MAP4K1: variants seen among roughly 807,000 people sequenced by gnomAD.
MAP4K1 encodes mitogen-activated protein kinase kinase kinase kinase 1, also known as MAPK/ERK kinase kinase kinase 1.
Under a neutral mutation model 122.8 loss-of-function variants are expected in MAP4K1, and 35 were observed. The ratio of observed to expected loss-of-function variants is 0.29; its 90% CI spans 0.22 to 0.38. The LOEUF (loss-of-function observed/expected upper bound fraction) is 0.38, where lower values mean the gene tolerates loss of function less well. MAP4K1 is among the 10% of genes least tolerant of loss of function. The pLI is 1.00. For missense variants in MAP4K1, 791 were observed against 1,072.6 expected (o/e 0.74, Z 3.67); for synonymous variants, 412 against 421.3 (o/e 0.98, Z 0.27).
Position 38,600,117 on chromosome 19 carries a change from A to C in MAP4K1, c.1568T>G (p.Phe523Cys). 6.2e-7 allele frequency: 1 copy of C among 1,614,112 alleles called. No individual in the cohort carries two copies. The highest frequency in any genetic ancestry group is 1.7e-5 in the Admixed American group (1 of 60,000). Residue 523 changes from phenylalanine to cysteine, a missense_variant, in exon 21 of 31, where the codon TTC becomes TGC. By Grantham distance (205) the Phe-to-Cys change is radical. This residue lies in a region of MAP4K1 where 58 missense variants were observed against 118.7 expected (regional missense o/e 0.49). Transcript: ENST00000396857. ...HLLLGAEEGI[F>C]ILNRNDQEAT... is the part of the protein sequence containing the mutation. ...CTCCTGGTCATTCCGGTTCAGGATG[A>C]AGATGCCTTCCTCTGCCCCCAGGAG...
At chr19:38,608,298 T>C in intron 13 of MAP4K1, 128 bp from the exon 14 acceptor site, 1 of 505,372 alleles carries the variant, frequency 2.0e-6, no homozygotes, top group Non-Finnish European at 3.5e-6. Context: ...GCAAATGATC[T>C]CAGGGAACTG....
chr19:38,606,958 T>G (rs909502338), intron 16 of MAP4K1, among the ~76,000 whole-genome samples: 35 of 152,008 alleles, frequency 2.3e-4, no homozygotes, highest in Non-Finnish European at 5.9e-5. Context: ...GACTGTTGGG[T>G]CTGGATCTGG....
intron 16 of MAP4K1, among the ~76,000 whole-genome samples, 199 bp downstream of exon 16, chr19:38,607,665 G>T (rs1331485494): frequency 6.6e-6 from 1 of 152,018 alleles, no homozygotes; most frequent in Non-Finnish European, 1.5e-5. Flanking sequence ...AGGGTTAAGG[G>T]AGGTGGGGTT....
chr19:38,616,586 G>C lies in MAP4K1; in HGVS notation c.249-327C>G, dbSNP rs148214865. Among the ~76,000 whole-genome samples, 559 of 152,248 alleles carry C rather than the reference G, an allele frequency of 3.7e-3. 3 individuals are homozygous for C. The highest frequency in any genetic ancestry group is 0.012 in the African/African-American group (513 of 41,530). On this transcript the variant is annotated intron_variant, in intron 3 of 30. Transcript: ENST00000396857. ...TTGTGGAGATTTGGAGGGGACAGAG[G>C]GGCCCAGGGCACCTGTTCTGGGGAG...
intron 17 of MAP4K1, among the ~76,000 whole-genome samples, 159 bp from the exon 18 acceptor site, chr19:38,605,889 T>C (rs143542101): frequency 0.022 from 3,164 of 141,066 alleles, 96 homozygotes; most frequent in African/African-American, 0.078. Flanking sequence ...TCCCCTGACA[T>C]CCCCAGCCTG....
intron 17 of MAP4K1, 48 bp downstream of exon 17, chr19:38,606,125 C>G: frequency 1.3e-6 from 2 of 1,487,040 alleles, no homozygotes; most frequent in Non-Finnish European, 9.2e-7. Flanking sequence ...CTCCTGGCCC[C>G]CAGTGGCCCT....
intron 30 of MAP4K1, among the ~76,000 whole-genome samples, chr19:38,590,083 T>C (rs959006722): frequency 6.6e-6 from 1 of 151,752 alleles, no homozygotes; most frequent in African/African-American, 2.4e-5. Flanking sequence ...GAGAACTGGC[T>C]GATTCTACCT....
At position 38,593,268 on chromosome 19, in the gene MAP4K1, AC is replaced by A; in HGVS notation, c.2396+13del. 6.2e-7 allele frequency: 1 copy of A among 1,609,994 alleles called. No homozygotes were observed. Among genetic ancestry groups the A allele is most frequent in the Non-Finnish European group, 8.5e-7 (1 of 1,178,088 alleles). Reference sequence around the variant, plus strand: ...CCCCTCCCAGGTCCTTCTGCACCCCACCCCACAACATACCTGGGGGAGCCAA... The same window carrying A: ...CCCCTCCCAGGTCCTTCTGCACCCCACCCACAACATACCTGGGGGAGCCAA... On this transcript the variant is annotated intron_variant, in intron 30 of 30. Transcript: ENST00000396857.
chr19:38,591,264 C>G (rs1238754806), intron 30 of MAP4K1, among the ~76,000 whole-genome samples: 1 of 151,944 alleles, frequency 6.6e-6, no homozygotes, highest in Non-Finnish European at 1.5e-5. Flanking sequence ...TACAGTGGCT[C>G]ACGCCTGTAA....
At chr19:38,609,439 C>T (rs942812827) in intron 13 of MAP4K1, among the ~76,000 whole-genome samples, 157 bp downstream of exon 13, 12 of 152,074 alleles carry the variant, frequency 7.9e-5, no homozygotes, top group Admixed American at 2.6e-4. Context: ...CTGGCCTCTA[C>T]GGTCATTTTG....
intron 16 of MAP4K1, 129 bp from the exon 17 acceptor site, chr19:38,606,344 T>C: frequency 1.7e-6 from 1 of 582,134 alleles, no homozygotes; most frequent in South Asian, 2.2e-5. Context: ...TGACTGGTTC[T>C]GCCTGGAGCA....
intron 11 of MAP4K1, 79 bp from the exon 12 acceptor site, chr19:38,610,104 C>T: frequency 9.8e-7 from 1 of 1,016,238 alleles, no homozygotes; most frequent in African/African-American, 1.6e-5. Context: ...AGGACTGGTA[C>T]AGGGCCTTGG....
At position 38,601,510 on chromosome 19, in the gene MAP4K1, C is replaced by T. The variant is rs781682486; in HGVS notation, c.1462G>A (p.Val488Ile). Reference sequence around the variant, plus strand: ...AGGGGGCAGCCATTGAACAACTTTACGAGAAGGGCACATCCCTGGGCAGGT... The same window carrying T: ...AGGGGGCAGCCATTGAACAACTTTATGAGAAGGGCACATCCCTGGGCAGGT... ...KMKRKGCALL[V>I]KLFNGCPLRI... The change falls in exon 20 of 31, where the codon GTA (valine) becomes ATA (isoleucine). Residue 488 changes from valine (V) to isoleucine (I), a missense_variant. Coordinates refer to ENST00000396857, the MANE Select transcript of MAP4K1 (RefSeq NM_001042600.3). 9 of 1,607,930 alleles carry T rather than the reference C, an allele frequency of 5.6e-6. No homozygotes were observed. The highest frequency in any genetic ancestry group is 7.6e-6 in the Non-Finnish European group (9 of 1,177,596).
intron 30 of MAP4K1, 137 bp from the exon 31 acceptor site, chr19:38,587,954 C>A: frequency 2.9e-6 from 2 of 686,158 alleles, no homozygotes; most frequent in East Asian, 2.7e-5. Flanking sequence ...CGGTCCCTGC[C>A]CTTAGGAAGC....
At chr19:38,599,003 A>G (rs1190831053) in intron 22 of MAP4K1, among the ~76,000 whole-genome samples, 1 of 115,860 alleles carries the variant, frequency 8.6e-6, no homozygotes, top group East Asian at 3.0e-4. Context: ...ACAGAGTGAG[A>G]GTCTATCTCA....
intron 19 of MAP4K1, among the ~76,000 whole-genome samples, chr19:38,603,163 CATAT>C (rs1221162703): frequency 6.7e-6 from 1 of 148,688 alleles, no homozygotes; most frequent in Non-Finnish European, 1.5e-5. Flanking sequence ...TACATGTATA[CATAT>C]ATACACATGT....
rs144296421 is a variant in MAP4K1, at chr19:38,592,917, CAATA to C, written c.2396+361_2396+364del. 9.0e-3 allele frequency among the ~76,000 whole-genome samples: 1,362 copies of C among 151,250 alleles called. 30 individuals are homozygous for C. The highest frequency in any genetic ancestry group is 0.058 in the East Asian group (297 of 5,148). ...GGGCAACAAAAGCAAAACTCCATCT[CAATA>C]AATAAATAAATAAATAAATAAATAA... On this transcript the variant is annotated intron_variant, in intron 30 of 30. Coordinates refer to ENST00000396857, the MANE Select transcript of MAP4K1 (RefSeq NM_001042600.3).
chr19:38,613,801 A>G, intron 8 of MAP4K1, 79 bp downstream of exon 8: 1 of 1,141,632 alleles, frequency 8.8e-7, no homozygotes, highest in Non-Finnish European at 1.3e-6. Flanking sequence ...GGAGCCAGGA[A>G]AGAGGATCCC....
intron 8 of MAP4K1, 69 bp downstream of exon 8, chr19:38,613,811 C>T (rs935761577): frequency 2.4e-5 from 30 of 1,266,234 alleles, no homozygotes; most frequent in Non-Finnish European, 2.8e-5. Context: ...AAGAGGATCC[C>T]GGGGAACCAG....
Sources: allele counts gnomAD v4.1 joint callset (sites outside exome capture counted in the v4.1 genomes callset), GRCh38; gene constraint gnomAD v4.1.1; regional missense constraint gnomAD v4.1.1; transcripts MANE v1.5; gene names NCBI Gene and HGNC (gene_info 2026-07-23, HGNC 2026-07-21).